Variants in IL19 observed in about 807,000 individuals in gnomAD.
IL19 encodes the protein interleukin-19.
IL19 carries 15 observed loss-of-function variants against 19.5 expected under a neutral mutation model. That is an observed-to-expected ratio of 0.77 (90% confidence interval 0.52 to 1.19). The LOEUF is 1.19. Among genes scored for constraint, IL19 ranks in the 50% most tolerant of loss-of-function variants. The pLI is 0.00. For synonymous variants in IL19, 78 were observed against 78.3 expected (o/e 1.00, Z 0.02); for missense variants, 199 against 213.1 (o/e 0.93, Z 0.41).
chr1:206,839,450 C>A (rs955463980), intron 4 of IL19, among the ~76,000 whole-genome samples: 2 of 152,192 alleles, frequency 1.3e-5, no homozygotes, highest in African/African-American at 2.4e-5. Flanking sequence ...ACTTCAGCCC[C>A]TGTAGTGTAG....
intron 4 of IL19, among the ~76,000 whole-genome samples, chr1:206,837,836 A>T (rs572146505): frequency 6.6e-6 from 1 of 152,258 alleles, no homozygotes; most frequent in African/African-American, 2.4e-5. Context: ...TGGGTGCCAG[A>T]TTGAGACACC....
intron 1 of IL19, among the ~76,000 whole-genome samples, chr1:206,792,046 G>A (rs911079389): frequency 6.6e-6 from 1 of 152,130 alleles, no homozygotes; most frequent in Non-Finnish European, 1.5e-5. Flanking sequence ...TGCCACTCAC[G>A]GGCAGATGCC....
chr1:206,836,629 G>T lies in IL19; in HGVS notation c.-2-32G>T, dbSNP rs748933233. On this transcript the variant is annotated intron_variant, in intron 2 of 6. Coordinates refer to ENST00000659997, the MANE Select transcript of IL19 (RefSeq NM_153758.5). ...TCTTTTTCATTGCCCTCCACTCTTG[G>T]CTGGACAGCTGACTTCCTCTCCTTT... 4.4e-6 allele frequency: 7 copies of T among 1,576,792 alleles called. No individual in the cohort carries two copies. In the East Asian group the frequency reaches 1.6e-4, roughly 36 times the overall value.
At position 206,770,824 on chromosome 1, in the gene IL19, T is replaced by A; in HGVS notation, c.-403T>A. On this transcript the variant is annotated 5_prime_UTR_variant, in exon 1 of 7. Transcript: ENST00000659997. Reference sequence around the variant, plus strand: ...TGCCAGTCTGTGTCTTTGCTGTGTCTGTGGATGTGAGTGTCCCTGCTGGTC... The same window carrying A: ...TGCCAGTCTGTGTCTTTGCTGTGTCAGTGGATGTGAGTGTCCCTGCTGGTC... The A allele has an allele frequency of 7.7e-7, 1 of 1,307,048 alleles. No individual in the cohort carries two copies. The highest frequency in any genetic ancestry group is 2.3e-5 in the East Asian group (1 of 43,650). The allele number at this position is 1,307,048 out of a possible 1,614,324, so 81.0% of individuals were successfully genotyped here.
At chr1:206,798,729 G>A (rs1185363362) in intron 1 of IL19, 132 bp from the exon 2 acceptor site, 4 of 574,422 alleles carry the variant, frequency 7.0e-6, no homozygotes, top group Non-Finnish European at 1.2e-5. Flanking sequence ...GTGTGATTCG[G>A]TTCAGAGTAG....
At chr1:206,840,740 G>A in intron 5 of IL19, 4 of 454,524 alleles carry the variant, frequency 8.8e-6, no homozygotes, top group Non-Finnish European at 1.2e-5. Context: ...CACTCAGAGT[G>A]GTGATAAGAC....
At chr1:206,807,964 C>A (rs1359634038) in intron 2 of IL19, among the ~76,000 whole-genome samples, 1 of 152,120 alleles carries the variant, frequency 6.6e-6, no homozygotes, top group African/African-American at 2.4e-5. Context: ...AAAAATGGAG[C>A]AGAAAGCATA....
At chr1:206,841,963 G>A (rs1051757248) in intron 6 of IL19, among the ~76,000 whole-genome samples, 2 of 152,162 alleles carry the variant, frequency 1.3e-5, no homozygotes, top group Non-Finnish European at 2.9e-5. Context: ...TCTACAGGAC[G>A]CGCTAAAAGC....
At chr1:206,841,934 C>G (rs1337405091) in intron 6 of IL19, among the ~76,000 whole-genome samples, 2 of 152,166 alleles carry the variant, frequency 1.3e-5, no homozygotes, top group African/African-American at 2.4e-5. Flanking sequence ...AGGTAGGATT[C>G]AATTCCACGC....
At chr1:206,817,081 A>G (rs1198270104) in intron 2 of IL19, among the ~76,000 whole-genome samples, 1 of 152,228 alleles carries the variant, frequency 6.6e-6, no homozygotes, top group East Asian at 1.9e-4. Flanking sequence ...ATATCAAGAA[A>G]AAAAAACTGG....
chr1:206,801,181 A>AC (rs1190448189), intron 2 of IL19, among the ~76,000 whole-genome samples: 3 of 151,800 alleles, frequency 2.0e-5, no homozygotes, highest in East Asian at 3.9e-4. Flanking sequence ...AAAAAAAAAA[A>AC]AAACCACAGA....
chr1:206,823,416 G>A (rs952400747), intron 2 of IL19, among the ~76,000 whole-genome samples: 6 of 151,814 alleles, frequency 4.0e-5, no homozygotes, highest in African/African-American at 7.3e-5. Context: ...TTAGCTGGGC[G>A]TGGTGGCGTG....
chr1:206,804,510 G>T (rs1239766237), intron 2 of IL19, among the ~76,000 whole-genome samples: 1 of 152,220 alleles, frequency 6.6e-6, no homozygotes, highest in Non-Finnish European at 1.5e-5. Flanking sequence ...GAAGGAATTA[G>T]GGTGTATAAA....
In IL19 at chr1:206,799,247, CAAAT is replaced by C. The variant is rs202235840; in HGVS notation, c.-3+245_-3+248del. ...AGGGAGTGTAGGGTGGAAAGGCAGA[CAAAT>C]AAACCATATCTGCATACCCCTTCCC... is the stretch of plus-strand genomic sequence containing the variant. On this transcript the variant is annotated intron_variant, in intron 2 of 6. Transcript: ENST00000659997. Among the ~76,000 whole-genome samples, 716 of 152,114 alleles carry C rather than the reference CAAAT, an allele frequency of 4.7e-3. 7 individuals are homozygous for C. The highest frequency in any genetic ancestry group is 0.016 in the African/African-American group (681 of 41,474).
intron 2 of IL19, among the ~76,000 whole-genome samples, chr1:206,836,270 C>T (rs1025298420): frequency 2.6e-5 from 4 of 152,166 alleles, no homozygotes; most frequent in African/African-American, 9.7e-5. Context: ...TTGCCGAATT[C>T]CTAGGGCATC....
At chr1:206,803,358 T>C (rs1426898005) in intron 2 of IL19, among the ~76,000 whole-genome samples, 2 of 152,118 alleles carry the variant, frequency 1.3e-5, no homozygotes, top group Non-Finnish European at 2.9e-5. Flanking sequence ...ATTAGTGATG[T>C]GGTTAGAGTA....
chr1:206,834,024 A>C (rs1676699896), intron 2 of IL19: 2 of 985,350 alleles, frequency 2.0e-6, no homozygotes, highest in African/African-American at 3.5e-5. Flanking sequence ...TGCAGGGTAC[A>C]CTTGGTAACG....
intron 3 of IL19, 30 bp downstream of exon 3, chr1:206,836,836 T>TGACG (rs1270207524): frequency 1.9e-6 from 3 of 1,613,320 alleles, no homozygotes; most frequent in Admixed American, 1.7e-5. Context: ...AAGGTGTGGA[T>TGACG]GACGGAGTAT....
intron 1 of IL19, among the ~76,000 whole-genome samples, chr1:206,784,283 T>A (rs1391565135): frequency 1.3e-5 from 2 of 152,144 alleles, no homozygotes; most frequent in Non-Finnish European, 2.9e-5. Context: ...GCCCTTAAAT[T>A]TTGTGATTCC....
Sources: gnomAD v4.1 joint callset for allele counts (sites outside exome capture counted in the v4.1 genomes callset) on GRCh38, gnomAD v4.1.1 for gene constraint, MANE v1.5 for transcripts, NCBI Gene and HGNC (gene_info 2026-07-23, HGNC 2026-07-21) for gene names.